Variants in B3GALT1 observed in about 807,000 individuals in gnomAD.
B3GALT1 encodes beta-1,3-galactosyltransferase 1.
In B3GALT1, 10 loss-of-function variants were observed where a neutral mutation model predicts 23.2. The ratio of observed to expected loss-of-function variants is 0.43; its 90% CI spans 0.27 to 0.73. The LOEUF is 0.73. B3GALT1 is among the 30% of genes least tolerant of loss of function. The pLI, the probability that B3GALT1 is intolerant of heterozygous loss-of-function variation, is 0.21. For synonymous variants in B3GALT1, 156 were observed against 141.5 expected (o/e 1.10, Z -0.73); for missense variants, 299 against 405.4 (o/e 0.74, Z 2.25).
intron 2 of B3GALT1, among the ~76,000 whole-genome samples, chr2:167,626,324 T>C (rs2105443450): frequency 6.6e-6 from 1 of 151,788 alleles, no homozygotes; most frequent in East Asian, 1.9e-4. Flanking sequence ...CCATTAAATA[T>C]GTGTATCTTC....
intron 1 of B3GALT1, among the ~76,000 whole-genome samples, chr2:167,397,215 CCT>C (rs907727531): frequency 2.0e-5 from 3 of 150,982 alleles, no homozygotes; most frequent in African/African-American, 4.9e-5. Flanking sequence ...TTCATTCTTC[CCT>C]CTCTCTCCTT....
rs188629719 is a variant in B3GALT1 at position 167,386,659 on chromosome 2, C to T, written c.-511+93325C>T. On this transcript the variant is annotated intron_variant, in intron 1 of 4. Coordinates refer to ENST00000392690, the MANE Select transcript of B3GALT1 (RefSeq NM_020981.4). ...GCCTTATACTGCTGTGAGATTTTCT[C>T]CTCTCATATCAAAGTCCATACAGTA... Among the ~76,000 whole-genome samples, 298 of 152,174 alleles carry T rather than the reference C, an allele frequency of 2.0e-3. 2 individuals carry two copies. The highest frequency in any genetic ancestry group is 7.0e-3 in the African/African-American group (292 of 41,522).
chr2:167,390,562 G>GT (rs934214586), intron 1 of B3GALT1, among the ~76,000 whole-genome samples: 11 of 152,054 alleles, frequency 7.2e-5, no homozygotes, highest in Non-Finnish European at 2.9e-5. Flanking sequence ...TTATCTCCAT[G>GT]TTTTTTCCAG....
chr2:167,863,612 A>G (rs1365872545), intron 4 of B3GALT1, among the ~76,000 whole-genome samples: 3 of 152,124 alleles, frequency 2.0e-5, no homozygotes, highest in Non-Finnish European at 2.9e-5. Context: ...ACTTTATCCA[A>G]CTTACATGAA....
chr2:167,618,596 C>T (rs998313882), intron 2 of B3GALT1, among the ~76,000 whole-genome samples: 4 of 151,954 alleles, frequency 2.6e-5, no homozygotes, highest in Admixed American at 6.6e-5. Flanking sequence ...ATTAATTATA[C>T]GACTAATGTT....
chr2:167,421,731 CA>C (rs1698548851), intron 1 of B3GALT1, among the ~76,000 whole-genome samples: 1 of 151,984 alleles, frequency 6.6e-6, no homozygotes, highest in African/African-American at 2.4e-5. Flanking sequence ...GCAGTTCTTC[CA>C]AAAAAGTGGC....
At chr2:167,674,993 A>G (rs1175688629) in intron 3 of B3GALT1, among the ~76,000 whole-genome samples, 1 of 152,230 alleles carries the variant, frequency 6.6e-6, no homozygotes, top group Non-Finnish European at 1.5e-5. Flanking sequence ...TGACCCTGGA[A>G]GTATGTTTTC....
At chr2:167,759,278 A>G (rs1368335881) in intron 3 of B3GALT1, among the ~76,000 whole-genome samples, 1 of 152,100 alleles carries the variant, frequency 6.6e-6, no homozygotes, top group East Asian at 1.9e-4. Context: ...TTTCTACTTG[A>G]TCTTAACTTG....
intron 1 of B3GALT1, among the ~76,000 whole-genome samples, chr2:167,450,859 T>C (rs766854681): frequency 2.0e-5 from 3 of 152,180 alleles, no homozygotes; most frequent in Non-Finnish European, 4.4e-5. Context: ...CTTAACATAA[T>C]CCCAAGCTTT....
At chr2:167,752,865 G>C (rs555846804) in intron 3 of B3GALT1, among the ~76,000 whole-genome samples, 1 of 152,310 alleles carries the variant, frequency 6.6e-6, no homozygotes, top group East Asian at 1.9e-4. Flanking sequence ...AGATAAACCT[G>C]ACTGAACTGT....
At chr2:167,570,030 A>G (rs190904009) in intron 2 of B3GALT1, among the ~76,000 whole-genome samples, 2 of 151,938 alleles carry the variant, frequency 1.3e-5, no homozygotes, top group Non-Finnish European at 2.9e-5. Flanking sequence ...CCACTTGAAC[A>G]TAATGTATTC....
intron 2 of B3GALT1, among the ~76,000 whole-genome samples, chr2:167,516,713 T>TTTGTTGTTGCTGTTTTG (rs1184074186): frequency 1.3e-5 from 2 of 152,064 alleles, no homozygotes; most frequent in African/African-American, 4.8e-5. Flanking sequence ...CTGTTACTAT[T>TTTGTTGTTGCTGTTTTG]TTGTTGTTGC....
intron 2 of B3GALT1, among the ~76,000 whole-genome samples, chr2:167,584,247 C>A (rs1684544433): frequency 6.6e-6 from 1 of 152,002 alleles, no homozygotes; most frequent in African/African-American, 2.4e-5. Context: ...TTAAGAGTAA[C>A]AATGAAACCA....
intron 2 of B3GALT1, among the ~76,000 whole-genome samples, chr2:167,501,747 A>G (rs551267415): frequency 6.8e-6 from 1 of 146,672 alleles, no homozygotes; most frequent in Admixed American, 6.8e-5. Context: ...AAAAAAAGTC[A>G]GTGAGGCTGA....
intron 2 of B3GALT1, among the ~76,000 whole-genome samples, chr2:167,512,407 G>A (rs1700019535): frequency 6.7e-6 from 1 of 149,840 alleles, no homozygotes; most frequent in Admixed American, 6.7e-5. Context: ...ATTTTATAAT[G>A]TTAAACCAAC....
intron 2 of B3GALT1, among the ~76,000 whole-genome samples, chr2:167,607,054 A>G (rs1684974563): frequency 6.6e-6 from 1 of 152,210 alleles, no homozygotes; most frequent in African/African-American, 2.4e-5. Flanking sequence ...CCCTGGATTT[A>G]TGATTGAGAA....
At chr2:167,427,684 A>G (rs1251661023) in intron 1 of B3GALT1, among the ~76,000 whole-genome samples, 2 of 152,140 alleles carry the variant, frequency 1.3e-5, no homozygotes, top group East Asian at 3.9e-4. Context: ...CTACAGGCGG[A>G]CACCACACCC....
At chr2:167,573,897 G>A (rs572583850) in intron 2 of B3GALT1, among the ~76,000 whole-genome samples, 6 of 151,668 alleles carry the variant, frequency 4.0e-5, no homozygotes, top group East Asian at 1.9e-4. Context: ...CACACAGTCC[G>A]AATTCTATGT....
At chr2:167,455,625 G>C (rs1699156745) in intron 1 of B3GALT1, among the ~76,000 whole-genome samples, 1 of 152,120 alleles carries the variant, frequency 6.6e-6, no homozygotes, top group Non-Finnish European at 1.5e-5. Context: ...AGATTCTCCT[G>C]CCTCAGCCTC....
Sources: gnomAD v4.1 joint callset for allele counts (sites outside exome capture counted in the v4.1 genomes callset) on GRCh38, gnomAD v4.1.1 for gene constraint, MANE v1.5 for transcripts, NCBI Gene and HGNC (gene_info 2026-07-23, HGNC 2026-07-21) for gene names.